The following TDRD12 variants were observed in gnomAD, a reference collection of about 807,000 sequenced individuals.
The protein encoded by TDRD12 is tudor domain containing 12.
Under a neutral mutation model 133.5 loss-of-function variants are expected in TDRD12, and 158 were observed. That is an observed-to-expected ratio of 1.18 (90% CI 1.04 to 1.35). The LOEUF is 1.35. Ranked by LOEUF, TDRD12 falls within the 40% of genes most tolerant of loss-of-function variation. TDRD12 has a pLI of 0.00. For missense variants in TDRD12, 1,443 were observed against 1,321.3 expected, an observed-to-expected ratio of 1.09 and a Z score of -1.43; for synonymous variants, 460 against 477.9, an observed-to-expected ratio of 0.96 and a Z score of 0.49.
chr19:32,731,689 A>G (rs1212137671), intron 1 of TDRD12, 36 bp from the exon 2 acceptor site: 1 of 1,497,186 alleles, frequency 6.7e-7, no homozygotes, highest in Non-Finnish European at 8.9e-7. Context: ...CTTTTAAATC[A>G]TACGCTGTTC....
At chr19:32,800,944 C>T (rs1472024290) in intron 18 of TDRD12, among the ~76,000 whole-genome samples, 172 bp downstream of exon 18, 1 of 151,784 alleles carries the variant, frequency 6.6e-6, no homozygotes, top group Admixed American at 6.6e-5. Context: ...AGGCTGAGGC[C>T]TGGATCTGGG....
At chr19:32,722,020 C>T (rs1166126674) in intron 1 of TDRD12, among the ~76,000 whole-genome samples, 2 of 151,992 alleles carry the variant, frequency 1.3e-5, no homozygotes, top group Non-Finnish European at 2.9e-5. Flanking sequence ...CCGGCCGGTG[C>T]GATTTTTAAA....
intron 12 of TDRD12, 50 bp from the exon 13 acceptor site, chr19:32,790,914 G>GAGAT: frequency 6.6e-7 from 1 of 1,517,868 alleles, no homozygotes; most frequent in Non-Finnish European, 8.8e-7. Context: ...GATCTCCTGT[G>GAGAT]CTGACGCCTC....
chr19:32,779,950 C>T (rs1970712964), intron 11 of TDRD12, among the ~76,000 whole-genome samples: 3 of 152,152 alleles, frequency 2.0e-5, no homozygotes, highest in Non-Finnish European at 4.4e-5. Flanking sequence ...TTCTGTGTCC[C>T]TCTTGCCTAC....
chr19:32,731,862 C>G, exon 2 of TDRD12: 2 of 1,547,020 alleles, frequency 1.3e-6, no homozygotes, highest in Non-Finnish European at 1.7e-6. Flanking sequence ...AAATAAAACC[C>G]TTAACATTGG....
At chr19:32,790,410 G>A (rs1309267666) in intron 11 of TDRD12, 121 bp from the exon 12 acceptor site, 2 of 958,140 alleles carry the variant, frequency 2.1e-6, no homozygotes, top group African/African-American at 1.7e-5. Context: ...GGCAGCAGTT[G>A]TACAGCTGAG....
At chr19:32,826,292 A>T in exon 8 of TDRD12, 1 of 1,444,302 alleles carries the variant, frequency 6.9e-7, no homozygotes, top group South Asian at 1.5e-5. Context: ...TCGTCATCTT[A>T]AAGATAAGAA....
intron 1 of TDRD12, among the ~76,000 whole-genome samples, chr19:32,723,621 C>T (rs1968762782): frequency 6.6e-6 from 1 of 150,436 alleles, no homozygotes; most frequent in East Asian, 1.9e-4. Context: ...TGTTCTAGTT[C>T]CTTAGCTTTT....
intron 25 of TDRD12, among the ~76,000 whole-genome samples, chr19:32,815,184 G>T (rs574023825): frequency 2.6e-4 from 35 of 133,524 alleles, no homozygotes; most frequent in Non-Finnish European, 5.3e-4. Context: ...TTGACTAGGG[G>T]TTTATCCCAG....
chr19:32,803,312 G>A (rs145097164), intron 21 of TDRD12, among the ~76,000 whole-genome samples, 170 bp downstream of exon 21: 184 of 152,324 alleles, frequency 1.2e-3, no homozygotes, highest in African/African-American at 4.1e-3. Context: ...CTGCAGGGCT[G>A]TCAGTGTTGA....
chr19:32,797,331 G>T (rs1404821173), intron 14 of TDRD12, among the ~76,000 whole-genome samples: 4 of 152,052 alleles, frequency 2.6e-5, no homozygotes, highest in African/African-American at 9.7e-5. Flanking sequence ...GTTCATTCTT[G>T]TGCTTAGGAT....
chr19:32,744,499 CAA>C (rs10644749), intron 4 of TDRD12, among the ~76,000 whole-genome samples: 21 of 38,092 alleles, frequency 5.5e-4, no homozygotes, highest in African/African-American at 2.2e-3. Context: ...GACTCCGTCT[CAA>C]AAAAAAAAAA....
At chr19:32,813,721 T>C (rs1218826707) in exon 25 of TDRD12, 3 of 1,535,370 alleles carry the variant, frequency 2.0e-6, no homozygotes, top group Non-Finnish European at 2.6e-6. Context: ...GTTGGAAAAT[T>C]GCATGATGCA....
intron 8 of TDRD12, among the ~76,000 whole-genome samples, chr19:32,769,423 C>T (rs944831402): frequency 7.2e-5 from 11 of 152,142 alleles, no homozygotes; most frequent in Non-Finnish European, 1.5e-5. Context: ...ATGGTTTTAT[C>T]TCTGTTGCCA....
chr19:32,802,716 TCA>T lies in TDRD12; in HGVS notation c.2259_2260del (p.Phe753LeufsTer18). On this transcript the variant is annotated frameshift_variant, in exon 20 of 28. Coordinates refer to ENST00000444215, the Ensembl canonical transcript of TDRD12. LOFTEE classifies it high-confidence loss of function. Reference sequence around the variant, plus strand: ...ACCGATGCCACGTGTGTGATTCACTTCAGTTTCCCTGCCTCACCAAAAGTTTT... The same window carrying T: ...ACCGATGCCACGTGTGTGATTCACTTGTTTCCCTGCCTCACCAAAAGTTTT... 6.5e-7 allele frequency: 1 copy of T among 1,536,412 alleles called. No homozygotes were observed. Among genetic ancestry groups the T allele is most frequent in the Non-Finnish European group, 8.7e-7 (1 of 1,146,946 alleles).
At chr19:32,734,309 T>C (rs1391532252) in intron 2 of TDRD12, among the ~76,000 whole-genome samples, 1 of 152,136 alleles carries the variant, frequency 6.6e-6, no homozygotes, top group Non-Finnish European at 1.5e-5. Context: ...TGCCTAGTTA[T>C]CACATTTTTG....
chr19:32,802,794 G>C lies in TDRD12; in HGVS notation c.2331+5G>C. The C allele has an allele frequency of 6.5e-7, 1 of 1,536,650 alleles. No homozygotes were observed. The highest frequency in any genetic ancestry group is 8.7e-7 in the Non-Finnish European group (1 of 1,147,004). On this transcript the variant is annotated splice_donor_5th_base_variant and intron_variant, in intron 20 of 27. Transcript: ENST00000444215. The stretch of plus-strand genomic sequence containing the variant: ...GATCATTTTCACGCTGAACAGGTTT[G>C]GTGAATTTTTATTCTCTTCCATATT...
chr19:32,744,456 C>T (rs1228051398), intron 4 of TDRD12, among the ~76,000 whole-genome samples: 3 of 142,630 alleles, frequency 2.1e-5, no homozygotes, highest in African/African-American at 5.3e-5. Context: ...GCCAAGATTG[C>T]GCCACTGCAC....
At chr19:32,762,113 A>G (rs138315235) in intron 8 of TDRD12, among the ~76,000 whole-genome samples, 1 of 152,302 alleles carries the variant, frequency 6.6e-6, no homozygotes, top group East Asian at 1.9e-4. Flanking sequence ...TGTCCTTTGC[A>G]AACATTTCCT....
Sources: gnomAD v4.1 joint callset for allele counts (sites outside exome capture counted in the v4.1 genomes callset) on GRCh38, gnomAD v4.1.1 for gene constraint, MANE v1.5 for transcripts, NCBI Gene and HGNC (gene_info 2026-07-23, HGNC 2026-07-21) for gene names.